Variants in NKAIN2 observed in about 807,000 individuals in gnomAD.
The protein encoded by NKAIN2 is sodium/potassium transporting ATPase interacting 2.
In NKAIN2, 14 loss-of-function variants were observed where a neutral mutation model predicts 32.6. That is an observed-to-expected ratio of 0.43 (90% CI 0.28 to 0.67). NKAIN2 has a LOEUF of 0.67. NKAIN2 is among the 30% of genes least tolerant of loss of function. The probability of loss-of-function intolerance (pLI) is 0.17; values close to 1 mark genes in which losing one functional copy is unlikely to be tolerated. For synonymous variants in NKAIN2, 80 were observed against 87.2 expected (o/e 0.92, Z 0.46); for missense variants, 198 against 258.3 (o/e 0.77, Z 1.60).
intron 3 of NKAIN2, among the ~76,000 whole-genome samples, chr6:124,456,473 C>T (rs933867430): frequency 2.0e-5 from 3 of 151,810 alleles, no homozygotes; most frequent in South Asian, 2.1e-4. Flanking sequence ...TGAAGACCAC[C>T]GTTCCTTTGT....
chr6:124,322,121 TA>T (rs1394073611), intron 2 of NKAIN2, among the ~76,000 whole-genome samples: 3 of 152,110 alleles, frequency 2.0e-5, no homozygotes, highest in Admixed American at 1.3e-4. Flanking sequence ...CATATTGCAC[TA>T]AAAAACTTTG....
chr6:124,080,096 A>T (rs568961658), intron 1 of NKAIN2, among the ~76,000 whole-genome samples: 80 of 152,282 alleles, frequency 5.3e-4, no homozygotes, highest in African/African-American at 1.8e-3. Context: ...CTGATAAAAA[A>T]GCTGGGACAA....
chr6:124,381,261 A>G (rs1772621224), intron 3 of NKAIN2, among the ~76,000 whole-genome samples: 1 of 135,160 alleles, frequency 7.4e-6, no homozygotes, highest in South Asian at 2.7e-4. Flanking sequence ...TTATGTTAAC[A>G]TAGCAGAGTT....
At position 123,962,968 on chromosome 6, in the gene NKAIN2, T is replaced by C. The variant is rs146215200; in HGVS notation, c.54+158714T>C. Among the ~76,000 whole-genome samples, 1,260 of 152,216 alleles carry C rather than the reference T, an allele frequency of 8.3e-3. 12 individuals are homozygous for C. The highest frequency in any genetic ancestry group is 0.017 in the Middle Eastern group (5 of 294). On this transcript the variant is annotated intron_variant, in intron 1 of 6. Transcript: ENST00000368417. ...TTGGACCTCAGTAAGAACCTGACAA[T>C]AGGTCAGCTCACTGTTATTTTATTA...
intron 4 of NKAIN2, among the ~76,000 whole-genome samples, chr6:124,667,229 G>C (rs192843899): frequency 1.7e-3 from 259 of 151,998 alleles, no homozygotes; most frequent in African/African-American, 5.6e-3. Flanking sequence ...AAACATCAGG[G>C]AATAAAAATG....
intron 1 of NKAIN2, among the ~76,000 whole-genome samples, chr6:123,850,703 T>C (rs1180264643): frequency 6.6e-6 from 1 of 152,238 alleles, no homozygotes; most frequent in Non-Finnish European, 1.5e-5. Context: ...AATGAACGTA[T>C]GCATTACTTC....
chr6:124,494,298 A>G (rs1012646902), intron 3 of NKAIN2, among the ~76,000 whole-genome samples: 6 of 152,138 alleles, frequency 3.9e-5, no homozygotes, highest in Non-Finnish European at 8.8e-5. Flanking sequence ...AATTCAAAAT[A>G]TGCTGCTCTG....
At chr6:123,853,872 A>C (rs1238507128) in intron 1 of NKAIN2, among the ~76,000 whole-genome samples, 1 of 151,832 alleles carries the variant, frequency 6.6e-6, no homozygotes, top group Non-Finnish European at 1.5e-5. Flanking sequence ...TCCTGGGTTC[A>C]AGCAATTCTC....
At chr6:124,503,405 A>T (rs1424729778) in intron 3 of NKAIN2, among the ~76,000 whole-genome samples, 1 of 152,134 alleles carries the variant, frequency 6.6e-6, no homozygotes, top group Non-Finnish European at 1.5e-5. Context: ...TAATGTAAAT[A>T]GGAGTGTTAA....
chr6:124,552,797 G>A (rs1210575209), intron 3 of NKAIN2, among the ~76,000 whole-genome samples: 3 of 152,200 alleles, frequency 2.0e-5, no homozygotes, highest in Admixed American at 6.5e-5. Flanking sequence ...CAGAGCCTGA[G>A]TATCTCAGTC....
intron 2 of NKAIN2, among the ~76,000 whole-genome samples, chr6:124,329,835 G>A (rs534070117): frequency 2.6e-5 from 4 of 152,240 alleles, no homozygotes; most frequent in South Asian, 2.1e-4. Context: ...GTCTCTAGTA[G>A]CAATACAGTA....
At chr6:124,566,765 A>T (rs1179758074) in intron 3 of NKAIN2, among the ~76,000 whole-genome samples, 1 of 152,144 alleles carries the variant, frequency 6.6e-6, no homozygotes, top group African/African-American at 2.4e-5. Context: ...TCCTAGGGTG[A>T]CATAATTGAG....
chr6:124,054,289 A>T (rs975449185), intron 1 of NKAIN2, among the ~76,000 whole-genome samples: 4 of 152,086 alleles, frequency 2.6e-5, no homozygotes, highest in Non-Finnish European at 5.9e-5. Flanking sequence ...TGGCACACTG[A>T]TAGAGAAAGC....
At chr6:124,276,968 C>CA (rs1795065537) in intron 1 of NKAIN2, among the ~76,000 whole-genome samples, 2 of 152,248 alleles carry the variant, frequency 1.3e-5, no homozygotes, top group African/African-American at 4.8e-5. Context: ...GCAAAATTAG[C>CA]AGCTTTACCA....
At chr6:123,886,903 C>T (rs1773743079) in intron 1 of NKAIN2, among the ~76,000 whole-genome samples, 1 of 152,000 alleles carries the variant, frequency 6.6e-6, no homozygotes, top group African/African-American at 2.4e-5. Flanking sequence ...TAACAGGGCA[C>T]AGTGGGAGAT....
intron 4 of NKAIN2, among the ~76,000 whole-genome samples, chr6:124,784,057 AAAC>A (rs1309009382): frequency 6.6e-6 from 1 of 152,182 alleles, no homozygotes; most frequent in Non-Finnish European, 1.5e-5. Context: ...GTACTTAAGA[AAAC>A]AAGCATATCT....
intron 1 of NKAIN2, among the ~76,000 whole-genome samples, chr6:123,831,667 T>G (rs1253512742): frequency 6.6e-6 from 1 of 151,284 alleles, no homozygotes; most frequent in Admixed American, 6.6e-5. Context: ...TTTTGTTTTT[T>G]TTTTTTGAGA....
At chr6:124,729,194 C>T (rs1776513308) in intron 4 of NKAIN2, among the ~76,000 whole-genome samples, 1 of 151,942 alleles carries the variant, frequency 6.6e-6, no homozygotes, top group South Asian at 2.1e-4. Flanking sequence ...GGAAATCCTC[C>T]CTAACTCATT....
At chr6:124,798,902 C>G (rs1780129789) in intron 5 of NKAIN2, among the ~76,000 whole-genome samples, 1 of 152,140 alleles carries the variant, frequency 6.6e-6, no homozygotes, top group Non-Finnish European at 1.5e-5. Flanking sequence ...CTGCTGTATC[C>G]TTAGCATCTA....
Sources: gnomAD v4.1 joint callset for allele counts (sites outside exome capture counted in the v4.1 genomes callset) on GRCh38, gnomAD v4.1.1 for gene constraint, MANE v1.5 for transcripts, NCBI Gene and HGNC (gene_info 2026-07-23, HGNC 2026-07-21) for gene names.